Variants in ZSCAN25 observed in about 807,000 individuals in gnomAD.
ZSCAN25 encodes the protein zinc finger and SCAN domain-containing protein 25.
A neutral mutation model predicts 38.7 loss-of-function variants in ZSCAN25; 27 were observed. That is an observed-to-expected ratio of 0.70 (90% CI 0.51 to 0.96). The LOEUF (loss-of-function observed/expected upper bound fraction) is 0.96, where lower values mean the gene tolerates loss of function less well. Among genes scored for constraint, ZSCAN25 ranks in the 40% least tolerant of loss-of-function variants. ZSCAN25 has a pLI of 0.00. For synonymous variants in ZSCAN25, 273 were observed against 277.7 expected, an observed-to-expected ratio of 0.98 and a Z score of 0.17; for missense variants, 637 against 705.9, an observed-to-expected ratio of 0.90 and a Z score of 1.11.
chr7:99,646,191 A>G, the ZSCAN25 span, among the ~76,000 whole-genome samples: 13 of 152,188 alleles, frequency 8.5e-5, no homozygotes, highest in African/African-American at 2.9e-4. Flanking sequence ...GAATCCATAT[A>G]TTGCTTTGGG....
chr7:99,644,556 C>T, the ZSCAN25 span, among the ~76,000 whole-genome samples: 1 of 152,134 alleles, frequency 6.6e-6, no homozygotes, highest in Non-Finnish European at 1.5e-5. Context: ...TGTTGTGACC[C>T]TCTGAGTAAT....
the ZSCAN25 span, chr7:99,715,797 A>G: frequency 6.2e-7 from 1 of 1,613,904 alleles, no homozygotes; most frequent in East Asian, 2.2e-5. Flanking sequence ...TTAAATCTTA[A>G]AAGCTTCTTG....
the ZSCAN25 span, chr7:99,663,156 A>T: frequency 8.6e-7 from 1 of 1,167,492 alleles, no homozygotes; most frequent in Non-Finnish European, 1.1e-6. Flanking sequence ...TTTTGGATAC[A>T]GCTTTCTGGC....
chr7:99,626,782 T>C (rs1807506047), intron 7 of ZSCAN25, among the ~76,000 whole-genome samples: 3 of 152,224 alleles, frequency 2.0e-5, no homozygotes, highest in Non-Finnish European at 4.4e-5. Context: ...CTGCTCCATG[T>C]GTGCAGTAAA....
At chr7:99,637,914 T>G in the ZSCAN25 span, among the ~76,000 whole-genome samples, 1 of 152,130 alleles carries the variant, frequency 6.6e-6, no homozygotes, top group African/African-American at 2.4e-5. Context: ...AAATGAAAGA[T>G]TCTCTCGAAA....
the ZSCAN25 span, among the ~76,000 whole-genome samples, chr7:99,691,703 A>T: frequency 2.6e-5 from 4 of 152,180 alleles, no homozygotes; most frequent in African/African-American, 4.8e-5. Context: ...TTTATCAGAG[A>T]ATAGGATTGC....
the ZSCAN25 span, chr7:99,680,016 GA>G: frequency 4.7e-6 from 4 of 854,708 alleles, no homozygotes; most frequent in Non-Finnish European, 6.0e-6. Flanking sequence ...CCAAGCTGCT[GA>G]AAGATTTATG....
At chr7:99,687,626 A>G in the ZSCAN25 span, among the ~76,000 whole-genome samples, 3 of 152,232 alleles carry the variant, frequency 2.0e-5, no homozygotes, top group Non-Finnish European at 4.4e-5. Flanking sequence ...AACTTCCCCA[A>G]TCTAGCAAGG....
the ZSCAN25 span, among the ~76,000 whole-genome samples, chr7:99,645,560 A>G: frequency 6.6e-6 from 1 of 152,094 alleles, no homozygotes; most frequent in Non-Finnish European, 1.5e-5. Context: ...GAACTAATTC[A>G]CACTCCCACC....
chr7:99,708,612 T>C, the ZSCAN25 span, among the ~76,000 whole-genome samples: 1 of 152,168 alleles, frequency 6.6e-6, no homozygotes, highest in African/African-American at 2.4e-5. Context: ...ATCACTGCTT[T>C]CTTTGTCTAT....
rs375082838 is a variant in ZSCAN25, at chr7:99,622,527, C to G, written c.590-22C>G. On this transcript the variant is annotated intron_variant, in intron 5 of 7. Transcript: ENST00000394152. The stretch of plus-strand genomic sequence containing the variant: ...CATCACTGATCCTTCTGATCTTTCT[C>G]ATGCTTTTTGTCCCTGCTCAGCACT... 2.5e-6 allele frequency: 4 copies of G among 1,610,614 alleles called. No homozygotes were observed. The Admixed American group carries it at 6.7e-5, about 27-fold the overall frequency.
chr7:99,700,115 G>A, the ZSCAN25 span: 1 of 969,390 alleles, frequency 1.0e-6, no homozygotes, highest in Non-Finnish European at 1.7e-6. Flanking sequence ...TCTGCCTGGA[G>A]CATCCCTGCC....
At chr7:99,727,635 T>G in the ZSCAN25 span, among the ~76,000 whole-genome samples, 2 of 152,174 alleles carry the variant, frequency 1.3e-5, no homozygotes, top group Admixed American at 1.3e-4. Context: ...TGATGGCAGT[T>G]CCACCAGGCC....
chr7:99,714,508 A>G, the ZSCAN25 span: 7 of 1,606,694 alleles, frequency 4.4e-6, no homozygotes, highest in South Asian at 6.6e-5. Flanking sequence ...TATTTCTAAA[A>G]AATTATGAAA....
chr7:99,695,731 C>T, the ZSCAN25 span: 4 of 1,608,780 alleles, frequency 2.5e-6, no homozygotes, highest in East Asian at 6.7e-5. Context: ...AAAGAGTGAG[C>T]TCAAAAACAC....
the ZSCAN25 span, among the ~76,000 whole-genome samples, chr7:99,666,328 T>C: frequency 6.6e-6 from 1 of 152,208 alleles, no homozygotes; most frequent in Non-Finnish European, 1.5e-5. Context: ...TTTTAATTTC[T>C]AAAGTATGTA....
the ZSCAN25 span, among the ~76,000 whole-genome samples, chr7:99,670,353 C>A: frequency 6.6e-6 from 1 of 152,154 alleles, no homozygotes; most frequent in Non-Finnish European, 1.5e-5. Context: ...CCATATGAAA[C>A]TGAAATTATG....
intron 7 of ZSCAN25, among the ~76,000 whole-genome samples, chr7:99,626,325 C>T (rs764559562): frequency 3.3e-5 from 5 of 152,064 alleles, no homozygotes; most frequent in African/African-American, 4.8e-5. Flanking sequence ...CTGAGGAGTC[C>T]GTGAGGACTC....
chr7:99,719,955 C>A, the ZSCAN25 span, among the ~76,000 whole-genome samples: 1 of 152,172 alleles, frequency 6.6e-6, no homozygotes, highest in Non-Finnish European at 1.5e-5. Context: ...CAAGACCACA[C>A]CACTGTACTC....
Sources: allele counts gnomAD v4.1 joint callset (sites outside exome capture counted in the v4.1 genomes callset), GRCh38; gene constraint gnomAD v4.1.1; transcripts MANE v1.5; gene names NCBI Gene and HGNC (gene_info 2026-07-23, HGNC 2026-07-21).